The following DRC1 variants were observed in gnomAD, a reference collection of about 807,000 sequenced individuals.
DRC1 encodes dynein regulatory complex protein 1.
DRC1 carries 74 observed loss-of-function variants against 98.7 expected under a neutral mutation model. That is an observed-to-expected ratio of 0.75 (90% CI 0.62 to 0.91). The LOEUF is 0.91. Ranked by LOEUF, DRC1 falls within the 40% of genes least tolerant of loss-of-function variation. The pLI is 0.00. For synonymous variants in DRC1, 336 were observed against 334.1 expected (o/e 1.01, Z -0.06); for missense variants, 875 against 886.0 (o/e 0.99, Z 0.16).
At chr2:26,403,595 G>A (rs946890740) in intron 1 of DRC1, among the ~76,000 whole-genome samples, 3 of 152,030 alleles carry the variant, frequency 2.0e-5, no homozygotes, top group African/African-American at 4.8e-5. Context: ...AGGAGTTCAA[G>A]ACCAGCCTGG....
chr2:26,424,907 G>A (rs1572364193), intron 4 of DRC1, among the ~76,000 whole-genome samples: 1 of 152,120 alleles, frequency 6.6e-6, no homozygotes, highest in Admixed American at 6.5e-5. Context: ...AGCCGAGATC[G>A]CACCACTGCA....
chr2:26,428,475 G>A (rs1663341387), intron 4 of DRC1, among the ~76,000 whole-genome samples: 1 of 152,172 alleles, frequency 6.6e-6, no homozygotes, highest in African/African-American at 2.4e-5. Flanking sequence ...CTAAGTATTT[G>A]TGTATCTAAA....
At position 26,444,926 on chromosome 2, in the gene DRC1, A is replaced by G; in HGVS notation, c.1374A>G (p.Val458=). The stretch of plus-strand genomic sequence containing the variant: ...CCCAGAAGTCCGCCACACAGATAGT[A>G]GAAGAAATGCTTATGCGCTCAGGTG... ...QQPQKSATQI[V]EEMLMRSEEE... is the part of the protein sequence containing the mutation. Residue 458 remains valine (V), a synonymous_variant, in exon 10 of 17, where the codon GTA becomes GTG. Coordinates refer to ENST00000288710, the MANE Select transcript of DRC1 (RefSeq NM_145038.5). 1.2e-6 allele frequency: 2 copies of G among 1,614,166 alleles called. No homozygotes were observed. Among genetic ancestry groups the G allele is most frequent in the East Asian group, 2.2e-5 (1 of 44,880 alleles).
intron 7 of DRC1, among the ~76,000 whole-genome samples, chr2:26,436,540 T>C (rs1264855697): frequency 6.6e-6 from 1 of 152,174 alleles, no homozygotes; most frequent in Admixed American, 6.5e-5. Flanking sequence ...CTCGAATTCC[T>C]GGCCTCAAGC....
At chr2:26,445,562 TA>T (rs1205946393) in intron 10 of DRC1, among the ~76,000 whole-genome samples, 1 of 152,230 alleles carries the variant, frequency 6.6e-6, no homozygotes, top group Non-Finnish European at 1.5e-5. Context: ...CTAAAGTAAT[TA>T]TCCTTATTGA....
At chr2:26,447,773 G>T (rs1663895803) in intron 10 of DRC1, among the ~76,000 whole-genome samples, 2 of 151,338 alleles carry the variant, frequency 1.3e-5, no homozygotes, top group Non-Finnish European at 2.9e-5. Flanking sequence ...TGCCATGTTG[G>T]CCAGGCTGGT....
intron 2 of DRC1, among the ~76,000 whole-genome samples, chr2:26,416,267 T>G (rs1409253244): frequency 2.0e-5 from 3 of 152,082 alleles, no homozygotes; most frequent in African/African-American, 7.2e-5. Context: ...TTTTCTTTTT[T>G]GAGACGGAGT....
chr2:26,411,097 T>C (rs1014191483), intron 1 of DRC1, among the ~76,000 whole-genome samples: 5 of 152,050 alleles, frequency 3.3e-5, no homozygotes, highest in Admixed American at 1.3e-4. Flanking sequence ...GGGGCGGTGG[T>C]GAGGAAACAG....
At chr2:26,403,168 C>A (rs570944648) in intron 1 of DRC1, among the ~76,000 whole-genome samples, 28 of 152,244 alleles carry the variant, frequency 1.8e-4, no homozygotes, top group African/African-American at 6.7e-4. Flanking sequence ...CAAAACTGAT[C>A]AAAAAGTATA....
chr2:26,440,980 A>T (rs1663702300), intron 8 of DRC1, among the ~76,000 whole-genome samples: 1 of 152,184 alleles, frequency 6.6e-6, no homozygotes, highest in Non-Finnish European at 1.5e-5. Flanking sequence ...GGACATGTAG[A>T]TTGCTTCCAA....
In DRC1 at chr2:26,432,109, G is replaced by A. The variant is rs1028893538; in HGVS notation, c.888+103G>A. 4.8e-6 allele frequency: 7 copies of A among 1,468,246 alleles called. No individual in the cohort carries two copies. In the African/African-American group the frequency reaches 8.5e-5, roughly 18 times the overall value. The allele number at this position is 1,468,246 out of a possible 1,614,324, so 91.0% of individuals were successfully genotyped here. A position where few individuals can be genotyped will look rare whatever the true frequency, so the allele number is the denominator to read the frequency against. On this transcript the variant is annotated intron_variant, in intron 7 of 16. Coordinates refer to ENST00000288710, the MANE Select transcript of DRC1 (RefSeq NM_145038.5). ...AACTACCTGTGATATTCTAGAGGTA[G>A]TCCCTTCAGCACGTATTTATTAATC...
intron 2 of DRC1, among the ~76,000 whole-genome samples, chr2:26,419,652 G>A (rs1663071351): frequency 6.6e-6 from 1 of 152,120 alleles, no homozygotes; most frequent in Admixed American, 6.6e-5. Context: ...TCATTTCTGT[G>A]ACTCCTTGGT....
intron 8 of DRC1, among the ~76,000 whole-genome samples, chr2:26,441,029 T>C (rs1020851027): frequency 6.6e-6 from 1 of 152,228 alleles, no homozygotes; most frequent in Admixed American, 6.5e-5. Context: ...TAAGTACTCA[T>C]GACATGTGCC....
At chr2:26,422,645 G>A (rs1663175427) in intron 3 of DRC1, among the ~76,000 whole-genome samples, 1 of 152,178 alleles carries the variant, frequency 6.6e-6, no homozygotes, top group Admixed American at 6.5e-5. Context: ...CAGGCACGGG[G>A]TGGCCCACGC....
At chr2:26,430,552 G>A in intron 5 of DRC1, 1 of 603,604 alleles carries the variant, frequency 1.7e-6, no homozygotes. Context: ...TAAGCCACGG[G>A]ACTGTTGGCA....
At chr2:26,410,810 T>TGAAACAAAACAAAACACAAC (rs1158448807) in intron 1 of DRC1, among the ~76,000 whole-genome samples, 3 of 148,904 alleles carry the variant, frequency 2.0e-5, no homozygotes, top group Non-Finnish European at 3.0e-5. Context: ...GCTTCCAGAG[T>TGAAACAAAACAAAACACAAC]GAAACAAAAC....
chr2:26,448,633 C>T, intron 10 of DRC1, 58 bp from the exon 11 acceptor site: 4 of 1,564,334 alleles, frequency 2.6e-6, no homozygotes, highest in East Asian at 2.2e-5. Context: ...TCAGAGTCAA[C>T]TAGCTCCAGA....
Position 26,430,807 on chromosome 2 carries a change from CA to C in DRC1, c.702del (p.Glu235SerfsTer29), listed in dbSNP as rs2147991561. On this transcript the variant is annotated frameshift_variant, in exon 6 of 17. Transcript: ENST00000288710. LOFTEE classifies it high-confidence loss of function. The stretch of plus-strand genomic sequence containing the variant: ...GTAGAAAGCATTTGAGGTGGAACGC[CA>C]AGAGCTACTGGCCAGTAATAAGAAG... ...NIEKAFEVER[Q>X]ELLASNKKKW... 6.2e-7 allele frequency: 1 copy of C among 1,614,076 alleles called. No homozygotes were observed. The highest frequency in any genetic ancestry group is 2.2e-5 in the East Asian group (1 of 44,890).
At position 26,445,256 on chromosome 2, in the gene DRC1, A is replaced by G. The variant is rs1235404240; in HGVS notation, c.1396+308A>G. Among the ~76,000 whole-genome samples, 4 of 152,202 alleles carry G rather than the reference A, an allele frequency of 2.6e-5. No homozygotes were observed. The East Asian group carries it at 7.7e-4, about 29-fold the overall frequency. ...TTTGTGATGTTAGCAACCATTGCTAATCATTGTCTAAGATCCATTAACTGT... is the reference window on the plus strand; with the variant it reads ...TTTGTGATGTTAGCAACCATTGCTAGTCATTGTCTAAGATCCATTAACTGT... On this transcript the variant is annotated intron_variant, in intron 10 of 16. Transcript: ENST00000288710.
Sources: gnomAD v4.1 joint callset for allele counts (sites outside exome capture counted in the v4.1 genomes callset) on GRCh38, gnomAD v4.1.1 for gene constraint, MANE v1.5 for transcripts, NCBI Gene and HGNC (gene_info 2026-07-23, HGNC 2026-07-21) for gene names.